ST6GALNAC5: variants seen among roughly 807,000 people sequenced by gnomAD.
ST6GALNAC5 encodes the protein alpha-N-acetylgalactosaminide alpha-2,6-sialyltransferase 5.
Under a neutral mutation model 33.6 loss-of-function variants are expected in ST6GALNAC5, and 27 were observed. The ratio of observed to expected loss-of-function variants is 0.80; its 90% CI spans 0.59 to 1.11. The LOEUF (loss-of-function observed/expected upper bound fraction) is 1.11, where lower values mean the gene tolerates loss of function less well. Ranked by LOEUF, ST6GALNAC5 falls within the 50% of genes least tolerant of loss-of-function variation. The pLI is 0.00. For missense variants in ST6GALNAC5, 428 were observed against 454.0 expected, an observed-to-expected ratio of 0.94 and a Z score of 0.52; for synonymous variants, 194 against 171.2, an observed-to-expected ratio of 1.13 and a Z score of -1.04.
At chr1:76,990,351 C>A (rs34981569) in intron 2 of ST6GALNAC5, among the ~76,000 whole-genome samples, 10,431 of 152,240 alleles carry the variant, frequency 0.069, 597 homozygotes, top group Admixed American at 0.19. Context: ...ATTTATGGAA[C>A]TTTTCCACTA....
At chr1:77,024,635 G>A (rs1378203893) in intron 2 of ST6GALNAC5, among the ~76,000 whole-genome samples, 1 of 152,164 alleles carries the variant, frequency 6.6e-6, no homozygotes, top group Admixed American at 6.5e-5. Context: ...CTCCAGGGCG[G>A]GATCTGATTC....
chr1:77,004,047 A>G (rs1422381932), intron 2 of ST6GALNAC5, among the ~76,000 whole-genome samples: 1 of 134,372 alleles, frequency 7.4e-6, no homozygotes, highest in Non-Finnish European at 1.6e-5. Flanking sequence ...CTGCCTTGCT[A>G]GATTGGGGAA....
chr1:76,968,596 G>T (rs902838954), intron 2 of ST6GALNAC5, among the ~76,000 whole-genome samples: 1 of 152,170 alleles, frequency 6.6e-6, no homozygotes, highest in African/African-American at 2.4e-5. Flanking sequence ...GGTTAGTATT[G>T]TTGTGTGTTA....
intron 4 of ST6GALNAC5, among the ~76,000 whole-genome samples, chr1:77,050,617 G>T (rs574457483): frequency 6.6e-6 from 1 of 152,262 alleles, no homozygotes; most frequent in South Asian, 2.1e-4. Flanking sequence ...ATATTTATCA[G>T]CCAGAAGTAA....
intron 2 of ST6GALNAC5, among the ~76,000 whole-genome samples, chr1:76,942,321 C>A (rs1647362982): frequency 6.6e-6 from 1 of 152,090 alleles, no homozygotes; most frequent in African/African-American, 2.4e-5. Context: ...GCATTTGTTT[C>A]TCTTTTACCA....
intron 2 of ST6GALNAC5, among the ~76,000 whole-genome samples, chr1:76,947,926 C>T (rs2100333455): frequency 6.6e-6 from 1 of 152,196 alleles, no homozygotes; most frequent in South Asian, 2.1e-4. Context: ...GCAGAAGTTT[C>T]CTGTCCTGCA....
At chr1:77,017,014 G>T (rs1329648457) in intron 2 of ST6GALNAC5, among the ~76,000 whole-genome samples, 1 of 151,992 alleles carries the variant, frequency 6.6e-6, no homozygotes, top group Non-Finnish European at 1.5e-5. Context: ...CCAAGTTCGG[G>T]TACAATCATT....
intron 2 of ST6GALNAC5, among the ~76,000 whole-genome samples, chr1:76,994,030 C>A (rs971176501): frequency 6.6e-6 from 1 of 152,110 alleles, no homozygotes; most frequent in Non-Finnish European, 1.5e-5. Context: ...TGTGAAATAT[C>A]CAAACAACTA....
chr1:76,910,338 G>A (rs1646898667), intron 2 of ST6GALNAC5, among the ~76,000 whole-genome samples: 1 of 151,950 alleles, frequency 6.6e-6, no homozygotes, highest in Non-Finnish European at 1.5e-5. Context: ...GTGGTGATAT[G>A]CAGTGTCACA....
At chr1:76,989,304 A>T (rs184190177) in intron 2 of ST6GALNAC5, among the ~76,000 whole-genome samples, 17 of 150,182 alleles carry the variant, frequency 1.1e-4, no homozygotes, top group South Asian at 2.1e-4. Context: ...CTTGGACTAC[A>T]CCTTTCCTTA....
At chr1:76,979,963 G>C (rs1649181518) in intron 2 of ST6GALNAC5, among the ~76,000 whole-genome samples, 1 of 152,044 alleles carries the variant, frequency 6.6e-6, no homozygotes, top group Non-Finnish European at 1.5e-5. Flanking sequence ...TGTAATGTAA[G>C]ACCCAAAACT....
At chr1:77,059,065 A>G (rs968148240) in intron 4 of ST6GALNAC5, among the ~76,000 whole-genome samples, 36 of 152,348 alleles carry the variant, frequency 2.4e-4, no homozygotes, top group Non-Finnish European at 1.6e-4. Context: ...ATTTAAAAAT[A>G]TGTTTATTTT....
chr1:76,920,561 A>G (rs1647024034), intron 2 of ST6GALNAC5, among the ~76,000 whole-genome samples: 1 of 152,188 alleles, frequency 6.6e-6, no homozygotes, highest in Non-Finnish European at 1.5e-5. Flanking sequence ...CCCAGTTGGG[A>G]ATTTTAAATT....
In ST6GALNAC5 at chr1:76,903,685, G is replaced by A. The variant is rs182274922; in HGVS notation, c.261+34943G>A. 3.4e-4 allele frequency among the ~76,000 whole-genome samples: 51 copies of A among 152,190 alleles called. 1 individual carries two copies. Among genetic ancestry groups the A allele is most frequent in the African/African-American group, 1.0e-3 (42 of 41,534 alleles). On this transcript the variant is annotated intron_variant, in intron 2 of 4. Transcript: ENST00000477717. ...AACAAAATGTGGCATAAAATATGGC[G>A]TATCCATACAATTAAATGTTATTTG...
At chr1:76,893,969 G>A (rs1385828299) in intron 2 of ST6GALNAC5, among the ~76,000 whole-genome samples, 2 of 152,066 alleles carry the variant, frequency 1.3e-5, no homozygotes, top group African/African-American at 2.4e-5. Flanking sequence ...TAGAAGAGAC[G>A]CTCTTGATAT....
chr1:77,020,945 G>A (rs1651032275), intron 2 of ST6GALNAC5, among the ~76,000 whole-genome samples: 1 of 152,170 alleles, frequency 6.6e-6, no homozygotes, highest in African/African-American at 2.4e-5. Context: ...CGCACAGCAT[G>A]GCTGCTGGTT....
At chr1:76,909,833 C>T (rs1004561907) in intron 2 of ST6GALNAC5, among the ~76,000 whole-genome samples, 2 of 151,982 alleles carry the variant, frequency 1.3e-5, no homozygotes, top group African/African-American at 4.8e-5. Context: ...GAGAAAAGGA[C>T]AAGAAAATCA....
chr1:77,007,385 T>C (rs34336958), intron 2 of ST6GALNAC5, among the ~76,000 whole-genome samples: 36,421 of 152,192 alleles, frequency 0.24, 4,551 homozygotes, highest in Middle Eastern at 0.36. Flanking sequence ...ATACTTATTG[T>C]GAATCTACTC....
At chr1:76,931,122 G>T (rs1419711168) in intron 2 of ST6GALNAC5, among the ~76,000 whole-genome samples, 1 of 152,094 alleles carries the variant, frequency 6.6e-6, no homozygotes, top group East Asian at 1.9e-4. Context: ...CCTGTTGGGG[G>T]ACCTGCATAG....
Sources: gnomAD v4.1 joint callset for allele counts (sites outside exome capture counted in the v4.1 genomes callset) on GRCh38, gnomAD v4.1.1 for gene constraint, MANE v1.5 for transcripts, NCBI Gene and HGNC (gene_info 2026-07-23, HGNC 2026-07-21) for gene names.